MPZL3: variants seen among roughly 807,000 people sequenced by gnomAD.
The protein encoded by MPZL3 is myelin protein zero-like protein 3.
MPZL3 carries 23 observed loss-of-function variants against 24.8 expected under a neutral mutation model. The observed-to-expected ratio is 0.93, with a 90% CI of 0.67 to 1.31. The LOEUF is 1.31. Among genes scored for constraint, MPZL3 ranks in the 40% most tolerant of loss-of-function variants. The pLI is 0.00. For synonymous variants in MPZL3, 99 were observed against 106.5 expected (o/e 0.93, Z 0.44); for missense variants, 277 against 294.9 (o/e 0.94, Z 0.44).
chr11:118,251,116 TGTGAAA>T (rs1427248335), intron 1 of MPZL3, among the ~76,000 whole-genome samples: 1 of 127,030 alleles, frequency 7.9e-6, no homozygotes, highest in Admixed American at 7.9e-5. Flanking sequence ...TGTGTGTGTG[TGTGAAA>T]GAGAGAGAGA....
chr11:118,241,924 C>T (rs1343111139), intron 1 of MPZL3, among the ~76,000 whole-genome samples: 1 of 152,190 alleles, frequency 6.6e-6, no homozygotes, highest in Non-Finnish European at 1.5e-5. Context: ...GCCTTCTGTG[C>T]CTTTGCAAAT....
chr11:118,227,427 C>G lies in MPZL3; in HGVS notation c.*2467G>C, dbSNP rs961406431. ...AAGACCACTTTATCTTCCTTTCATC[C>G]TTAAAGAAGGCAGGTGTCTGTACAC... On this transcript the variant is annotated 3_prime_UTR_variant, in exon 6 of 6. Transcript: ENST00000278949. 6.6e-6 allele frequency: 1 copy of G among 152,162 alleles called. No individual in the cohort carries two copies. Among genetic ancestry groups the G allele is most frequent in the African/African-American group, 2.4e-5 (1 of 41,410 alleles). 9.4% of individuals were successfully genotyped at this position (152,162 alleles called of 1,614,324 possible).
intron 4 of MPZL3, 116 bp from the exon 5 acceptor site, chr11:118,233,639 T>A: frequency 9.6e-7 from 1 of 1,037,732 alleles, no homozygotes; most frequent in Non-Finnish European, 1.5e-6. Flanking sequence ...GTTCTTCCAC[T>A]CACTAGCTGG....
At chr11:118,232,636 G>A (rs1041007036) in intron 5 of MPZL3, among the ~76,000 whole-genome samples, 10 of 151,836 alleles carry the variant, frequency 6.6e-5, no homozygotes, top group Admixed American at 2.0e-4. Context: ...CTTATTTTGC[G>A]TTCTTAAAAA....
intron 1 of MPZL3, among the ~76,000 whole-genome samples, chr11:118,251,494 T>C (rs1302421786): frequency 2.0e-5 from 3 of 152,090 alleles, no homozygotes; most frequent in Non-Finnish European, 4.4e-5. Context: ...TAATTGTACC[T>C]TAAGATGAAG....
At chr11:118,248,696 A>G (rs1339468463) in intron 1 of MPZL3, among the ~76,000 whole-genome samples, 1 of 152,144 alleles carries the variant, frequency 6.6e-6, no homozygotes, top group East Asian at 1.9e-4. Flanking sequence ...AGTCTTATAT[A>G]AAACTCTGAG....
In MPZL3 at chr11:118,240,320, A is replaced by G. The variant is rs775909147; in HGVS notation, c.131T>C (p.Val44Ala). The G allele has an allele frequency of 3.7e-6, 6 of 1,609,006 alleles. No homozygotes were observed. In the East Asian group the frequency reaches 6.7e-5, roughly 18 times the overall value. ...IRADAHVRGY[V>A]GEKIKLKCTF... ...GCATTTCAACTTGATCTTTTCTCCA[A>G]CATAACCTCGGACATGGGCATCTGC... The change falls in exon 2 of 6, where the codon GTT (valine) becomes GCT (alanine). Residue 44 changes from valine to alanine, a missense_variant. By Grantham distance (64) the Val-to-Ala change is moderately conservative. Transcript: ENST00000278949.
At chr11:118,232,951 G>C (rs779329964) in intron 5 of MPZL3, among the ~76,000 whole-genome samples, 20 of 152,118 alleles carry the variant, frequency 1.3e-4, no homozygotes, top group Non-Finnish European at 2.4e-4. Context: ...TCTGTCATTA[G>C]TCACAGTGAG....
intron 4 of MPZL3, among the ~76,000 whole-genome samples, chr11:118,234,058 G>T (rs569530967): frequency 6.6e-6 from 1 of 152,154 alleles, no homozygotes; most frequent in South Asian, 2.1e-4. Flanking sequence ...CAGTTGTTAG[G>T]AATAAATAAA....
intron 2 of MPZL3, among the ~76,000 whole-genome samples, chr11:118,239,484 A>G (rs1476463449): frequency 2.6e-5 from 4 of 152,254 alleles, no homozygotes; most frequent in Admixed American, 1.3e-4. Flanking sequence ...ACATTCTTGA[A>G]TAACATCTAT....
intron 1 of MPZL3, among the ~76,000 whole-genome samples, chr11:118,240,863 C>T (rs2134707564): frequency 6.6e-6 from 1 of 152,206 alleles, no homozygotes; most frequent in East Asian, 1.9e-4. Context: ...CTACCATTGC[C>T]TCATCAACAG....
chr11:118,236,984 G>A (rs553308515), intron 3 of MPZL3, 66 bp downstream of exon 3: 1 of 1,395,536 alleles, frequency 7.2e-7, no homozygotes, highest in African/African-American at 1.4e-5. Context: ...TTATCATCGA[G>A]CTCTCCAGAA....
At chr11:118,233,601 A>T in intron 4 of MPZL3, 78 bp from the exon 5 acceptor site, 1 of 1,455,432 alleles carries the variant, frequency 6.9e-7, no homozygotes, top group East Asian at 2.3e-5. Context: ...CAGGTGTTGA[A>T]ATCAGACAGG....
In MPZL3 at chr11:118,228,522, G is replaced by A. The variant is rs1949302498; in HGVS notation, c.*1372C>T. On this transcript the variant is annotated 3_prime_UTR_variant, in exon 6 of 6. Coordinates refer to ENST00000278949, the MANE Select transcript of MPZL3 (RefSeq NM_198275.3). ...AAAAATCCTATGTAAATTAACATTT[G>A]AAACAAGTTGTCATAGCAGAATGGA... The A allele has an allele frequency of 6.6e-6, 1 of 152,146 alleles. No homozygotes were observed. The highest frequency in any genetic ancestry group is 6.5e-5 in the Admixed American group (1 of 15,278). 9.4% of individuals were successfully genotyped at this position (152,146 alleles called of 1,614,324 possible).
In MPZL3 at chr11:118,229,105, G is replaced by A. The variant is rs1235305580; in HGVS notation, c.*789C>T. The A allele has an allele frequency of 2.4e-5, 3 of 126,482 alleles. No individual in the cohort carries two copies. Among genetic ancestry groups the A allele is most frequent in the Admixed American group, 9.3e-5 (1 of 10,702 alleles). The allele number at this position is 126,482 out of a possible 1,614,324, so 7.8% of individuals were successfully genotyped here. On this transcript the variant is annotated 3_prime_UTR_variant, in exon 6 of 6. Transcript: ENST00000278949. ...TCACACCACTGCACTCCAGCCTGGCGACAGAGTGAGACTCTGCCTCAAAAA... is the reference window on the plus strand; with the variant it reads ...TCACACCACTGCACTCCAGCCTGGCAACAGAGTGAGACTCTGCCTCAAAAA...
Position 118,233,534 on chromosome 11 carries a change from A to G in MPZL3, c.618-11T>C. ...TCCTCCTGATCAGTGCTGTAAAAAG[A>G]GGACAAACCAAATCTGAATCACCAC... is the stretch of plus-strand genomic sequence containing the variant. On this transcript the variant is annotated splice_polypyrimidine_tract_variant and intron_variant, in intron 4 of 5. Coordinates refer to ENST00000278949, the MANE Select transcript of MPZL3 (RefSeq NM_198275.3). 2.5e-6 allele frequency: 4 copies of G among 1,613,694 alleles called. No individual in the cohort carries two copies. The highest frequency in any genetic ancestry group is 3.4e-6 in the Non-Finnish European group (4 of 1,179,812).
rs1949381363 is a variant in MPZL3, at chr11:118,233,529, A to T, written c.618-6T>A. ...CTTCCTCCTCCTGATCAGTGCTGTA[A>T]AAAGAGGACAAACCAAATCTGAATC... On this transcript the variant is annotated splice_region_variant and splice_polypyrimidine_tract_variant and intron_variant, in intron 4 of 5. Coordinates refer to ENST00000278949, the MANE Select transcript of MPZL3 (RefSeq NM_198275.3). 6.2e-7 allele frequency: 1 copy of T among 1,613,692 alleles called. No homozygotes were observed. The highest frequency in any genetic ancestry group is 8.5e-7 in the Non-Finnish European group (1 of 1,179,816).
At position 118,237,261 on chromosome 11, in the gene MPZL3, C is replaced by A; in HGVS notation, c.241-1G>T. ...ACTGGAAAGACTGATAATGAAATAT[C>A]TAAGAAAGCAACACCATGAGAGAAA... On this transcript the variant is annotated splice_acceptor_variant, in intron 2 of 5. Transcript: ENST00000278949. LOFTEE classifies it high-confidence loss of function. 6.2e-7 allele frequency: 1 copy of A among 1,613,488 alleles called. No homozygotes were observed. The highest frequency in any genetic ancestry group is 1.3e-5 in the African/African-American group (1 of 74,994).
At chr11:118,252,105 T>G in intron 1 of MPZL3, 117 bp downstream of exon 1, 4 of 990,392 alleles carry the variant, frequency 4.0e-6, no homozygotes, top group Non-Finnish European at 6.3e-6. Context: ...CCCTCCCTCC[T>G]TCCTTCCCAG....
Sources: gnomAD v4.1 joint callset for allele counts (sites outside exome capture counted in the v4.1 genomes callset) on GRCh38, gnomAD v4.1.1 for gene constraint, MANE v1.5 for transcripts, NCBI Gene and HGNC (gene_info 2026-07-23, HGNC 2026-07-21) for gene names.